TSPAN13: variants seen among roughly 807,000 people sequenced by gnomAD.
The protein encoded by TSPAN13 is tetraspanin 13.
Under a neutral mutation model 26.9 loss-of-function variants are expected in TSPAN13, and 18 were observed. The ratio of observed to expected loss-of-function variants is 0.67; its 90% confidence interval spans 0.46 to 0.99. The LOEUF (loss-of-function observed/expected upper bound fraction) is 0.99, where lower values mean the gene tolerates loss of function less well. TSPAN13 is among the 50% of genes least tolerant of loss of function. The probability of loss-of-function intolerance (pLI) is 0.00; values close to 1 mark genes in which losing one functional copy is unlikely to be tolerated. For synonymous variants in TSPAN13, 116 were observed against 98.4 expected (o/e 1.18, Z -1.06); for missense variants, 201 against 249.6 (o/e 0.81, Z 1.31).
intron 5 of TSPAN13, among the ~76,000 whole-genome samples, chr7:16,781,785 T>G (rs1784816226): frequency 6.6e-6 from 1 of 151,946 alleles, no homozygotes; most frequent in Non-Finnish European, 1.5e-5. Context: ...ATTTCCAAGG[T>G]GGGGAGCTTT....
At chr7:16,760,968 C>T (rs1327228522) in intron 1 of TSPAN13, among the ~76,000 whole-genome samples, 1 of 152,166 alleles carries the variant, frequency 6.6e-6, no homozygotes, top group Non-Finnish European at 1.5e-5. Flanking sequence ...TAATTGAATG[C>T]AGGAATCAGT....
chr7:16,768,878 C>G (rs574464205), intron 1 of TSPAN13, among the ~76,000 whole-genome samples: 2 of 152,120 alleles, frequency 1.3e-5, no homozygotes, highest in South Asian at 4.2e-4. Flanking sequence ...TGTCATATCT[C>G]TTATTTTATT....
At chr7:16,772,604 G>C (rs79483861) in intron 1 of TSPAN13, among the ~76,000 whole-genome samples, 3,038 of 152,210 alleles carry the variant, frequency 0.02, 29 homozygotes, top group South Asian at 0.038. Flanking sequence ...TCTCTCTTAA[G>C]GATACCTGTT....
chr7:16,764,184 ATTT>A (rs60512988), intron 1 of TSPAN13, among the ~76,000 whole-genome samples: 61,301 of 144,236 alleles, frequency 0.43, 13,730 homozygotes, highest in African/African-American at 0.6. Context: ...TGCCCAGCTA[ATTT>A]TTTTTTTTTT....
intron 1 of TSPAN13, chr7:16,775,782 CCA>C (rs1784736295): frequency 6.5e-6 from 1 of 153,292 alleles, no homozygotes; most frequent in Non-Finnish European, 1.5e-5. Flanking sequence ...GGAGGGCTTC[CCA>C]GAGAAAATTA....
chr7:16,759,971 G>A (rs1420074601), intron 1 of TSPAN13, among the ~76,000 whole-genome samples: 1 of 152,166 alleles, frequency 6.6e-6, no homozygotes, highest in Non-Finnish European at 1.5e-5. Context: ...ACAGGTGTGA[G>A]CAACTGTGCC....
chr7:16,783,396 A>AT (rs3840574), intron 5 of TSPAN13, 21 bp from the exon 6 acceptor site: 531 of 1,579,872 alleles, frequency 3.4e-4, no homozygotes, highest in Non-Finnish European at 3.8e-4. Flanking sequence ...TCTTTACTTT[A>AT]TTTTTTTTTC....
chr7:16,774,647 A>T lies in TSPAN13; in HGVS notation c.64-1564A>T, dbSNP rs577203692. Among the ~76,000 whole-genome samples, 6 of 152,330 alleles carry T rather than the reference A, an allele frequency of 3.9e-5. No homozygotes were observed. In the East Asian group the frequency reaches 1.2e-3, roughly 29 times the overall value. On this transcript the variant is annotated intron_variant, in intron 1 of 5. Coordinates refer to ENST00000262067, the MANE Select transcript of TSPAN13 (RefSeq NM_014399.4). ...GCAAATGGGCCTACTGATAAGGAGC[A>T]GTTGGGAAAATGAGAAGGACTAGAC...
chr7:16,770,188 T>A (rs915034669), intron 1 of TSPAN13, among the ~76,000 whole-genome samples: 4 of 150,662 alleles, frequency 2.7e-5, no homozygotes, highest in African/African-American at 9.8e-5. Context: ...TGTTTAATAT[T>A]TTTTATTTTA....
intron 1 of TSPAN13, among the ~76,000 whole-genome samples, chr7:16,764,759 C>T (rs976847422): frequency 2.6e-5 from 4 of 151,908 alleles, no homozygotes; most frequent in African/African-American, 9.7e-5. Flanking sequence ...AATATTACAT[C>T]TCAGTGTTAA....
At chr7:16,771,542 T>C (rs706065) in intron 1 of TSPAN13, among the ~76,000 whole-genome samples, 72,763 of 151,938 alleles carry the variant, frequency 0.48, 17,696 homozygotes, top group Admixed American at 0.53. Flanking sequence ...AGTCAAAAAA[T>C]GATGTGCATA....
At chr7:16,762,792 C>T (rs978857849) in intron 1 of TSPAN13, among the ~76,000 whole-genome samples, 1 of 152,120 alleles carries the variant, frequency 6.6e-6, no homozygotes, top group African/African-American at 2.4e-5. Flanking sequence ...ATATAAAACT[C>T]TAGGTACCAT....
intron 1 of TSPAN13, among the ~76,000 whole-genome samples, chr7:16,755,285 C>T (rs896652199): frequency 4.6e-5 from 7 of 152,174 alleles, no homozygotes; most frequent in African/African-American, 1.7e-4. Flanking sequence ...CTTTACTGTT[C>T]CTTTGTATGT....
chr7:16,766,435 G>A (rs1346425641), intron 1 of TSPAN13, among the ~76,000 whole-genome samples: 1 of 152,226 alleles, frequency 6.6e-6, no homozygotes, highest in Non-Finnish European at 1.5e-5. Context: ...GCATCTAGGA[G>A]TTGGGCATGA....
chr7:16,764,506 T>C (rs1275960971), intron 1 of TSPAN13, among the ~76,000 whole-genome samples: 1 of 152,034 alleles, frequency 6.6e-6, no homozygotes, highest in Non-Finnish European at 1.5e-5. Context: ...CTTCTGCTTG[T>C]ATGTGAATGT....
intron 1 of TSPAN13, among the ~76,000 whole-genome samples, chr7:16,758,787 C>A (rs1027237826): frequency 6.6e-6 from 1 of 150,722 alleles, no homozygotes. Flanking sequence ...ACCTTTCAAA[C>A]GTGTCTGTGG....
intron 1 of TSPAN13, among the ~76,000 whole-genome samples, chr7:16,757,453 G>A (rs1420330794): frequency 6.6e-6 from 1 of 152,094 alleles, no homozygotes; most frequent in Non-Finnish European, 1.5e-5. Context: ...GCTTTATAAT[G>A]TGTCTCCTTG....
intron 5 of TSPAN13, among the ~76,000 whole-genome samples, chr7:16,780,889 T>A (rs1784807196): frequency 6.6e-6 from 1 of 152,216 alleles, no homozygotes; most frequent in African/African-American, 2.4e-5. Flanking sequence ...CCTTTGGAAA[T>A]CTGGCTAGAG....
rs1197415547 is a variant in TSPAN13, at chr7:16,784,486, G to C, written c.*995G>C. On this transcript the variant is annotated 3_prime_UTR_variant, in exon 6 of 6. Coordinates refer to ENST00000262067, the MANE Select transcript of TSPAN13 (RefSeq NM_014399.4). ...AATTAAAGGACAGAAACCTTTCTTT[G>C]TGTATGCATGTTTGAATTAAAAGAA... 1 of 152,132 alleles carries C rather than the reference G, an allele frequency of 6.6e-6. No individual in the cohort carries two copies. The highest frequency in any genetic ancestry group is 2.4e-5 in the African/African-American group (1 of 41,424). The allele number at this position is 152,132 out of a possible 1,614,324, so 9.4% of individuals were successfully genotyped here.
Sources: allele counts gnomAD v4.1 joint callset (sites outside exome capture counted in the v4.1 genomes callset), GRCh38; gene constraint gnomAD v4.1.1; transcripts MANE v1.5; gene names NCBI Gene and HGNC (gene_info 2026-07-23, HGNC 2026-07-21).